EGFLAM: variants seen among roughly 807,000 people sequenced by gnomAD.
EGFLAM encodes pikachurin.
In EGFLAM, 79 loss-of-function variants were observed where a neutral mutation model predicts 113.1. That is an observed-to-expected ratio of 0.70 (90% CI 0.58 to 0.84). The LOEUF (loss-of-function observed/expected upper bound fraction) is 0.84, where lower values mean the gene tolerates loss of function less well. EGFLAM is among the 40% of genes least tolerant of loss of function. EGFLAM has a pLI of 0.00. For synonymous variants in EGFLAM, 504 were observed against 487.6 expected (o/e 1.03, Z -0.44); for missense variants, 1,265 against 1,291.6 (o/e 0.98, Z 0.32).
At chr5:38,342,964 C>A (rs1239610217) in intron 3 of EGFLAM, among the ~76,000 whole-genome samples, 1 of 152,186 alleles carries the variant, frequency 6.6e-6, no homozygotes, top group Admixed American at 6.5e-5. Context: ...TGCACCACCA[C>A]CCTGCTTTAG....
intron 1 of EGFLAM, among the ~76,000 whole-genome samples, chr5:38,261,417 G>C (rs557495550): frequency 3.6e-4 from 55 of 152,314 alleles, no homozygotes; most frequent in African/African-American, 1.3e-3. Flanking sequence ...CAACCCAATA[G>C]CCCTGGGAGA....
chr5:38,274,097 A>C (rs1757828906), intron 1 of EGFLAM, among the ~76,000 whole-genome samples: 1 of 152,256 alleles, frequency 6.6e-6, no homozygotes, highest in Non-Finnish European at 1.5e-5. Flanking sequence ...AGCAAAGTTT[A>C]TTAAACAGAA....
chr5:38,335,251 C>T (rs1322848301), intron 1 of EGFLAM, among the ~76,000 whole-genome samples: 1 of 152,228 alleles, frequency 6.6e-6, no homozygotes, highest in Non-Finnish European at 1.5e-5. Context: ...CCTAGAAACA[C>T]TGGCACATGT....
intron 11 of EGFLAM, among the ~76,000 whole-genome samples, chr5:38,412,905 A>T (rs1741529689): frequency 2.0e-5 from 3 of 152,138 alleles, no homozygotes; most frequent in Non-Finnish European, 4.4e-5. Flanking sequence ...TGCAAGCATC[A>T]TTGCTGTTGG....
chr5:38,428,903 A>C (rs1287148809), intron 14 of EGFLAM, among the ~76,000 whole-genome samples: 1 of 152,248 alleles, frequency 6.6e-6, no homozygotes, highest in Non-Finnish European at 1.5e-5. Context: ...ATGAGGCAAG[A>C]GTTTCTGAGG....
At chr5:38,263,408 G>C (rs1407717380) in intron 1 of EGFLAM, among the ~76,000 whole-genome samples, 1 of 152,184 alleles carries the variant, frequency 6.6e-6, no homozygotes, top group African/African-American at 2.4e-5. Context: ...GTTACCATGA[G>C]CCAAGATCGC....
chr5:38,299,717 C>T (rs1758528937), intron 1 of EGFLAM, among the ~76,000 whole-genome samples: 1 of 152,138 alleles, frequency 6.6e-6, no homozygotes, highest in African/African-American at 2.4e-5. Context: ...CTTAAAAGAG[C>T]ATGACGTCTC....
At chr5:38,418,309 G>T (rs1741720372) in intron 12 of EGFLAM, 54 bp downstream of exon 12, 3 of 1,588,168 alleles carry the variant, frequency 1.9e-6, no homozygotes, top group Non-Finnish European at 2.6e-6. Flanking sequence ...TGTCTTATGG[G>T]ACTGCCTTTC....
intron 1 of EGFLAM, among the ~76,000 whole-genome samples, chr5:38,311,560 G>A (rs1171408744): frequency 1.3e-5 from 2 of 152,130 alleles, no homozygotes; most frequent in African/African-American, 4.8e-5. Flanking sequence ...ATCCCATTGT[G>A]TGTGTACATT....
intron 1 of EGFLAM, among the ~76,000 whole-genome samples, chr5:38,326,649 C>T (rs545012650): frequency 6.6e-5 from 10 of 151,878 alleles, no homozygotes; most frequent in South Asian, 4.2e-4. Flanking sequence ...CCTGCCACCA[C>T]GCCTGGCGTT....
rs559363321 is a variant in EGFLAM, at chr5:38,394,771, C to A, written c.713-11355C>A. Among the ~76,000 whole-genome samples, 7 of 145,164 alleles carry A rather than the reference C, an allele frequency of 4.8e-5. No homozygotes were observed. In the East Asian group the frequency reaches 1.2e-3, roughly 25 times the overall value. On this transcript the variant is annotated intron_variant, in intron 6 of 21. Coordinates refer to ENST00000322350, the MANE Select transcript of EGFLAM (RefSeq NM_152403.4). Reference sequence around the variant, plus strand: ...TTTAGATTTATTTACAGATTTACCACTTTCTGTGCCCACAACTCTTCGCAT... The same window carrying A: ...TTTAGATTTATTTACAGATTTACCAATTTCTGTGCCCACAACTCTTCGCAT...
intron 1 of EGFLAM, 43 bp downstream of exon 1, chr5:38,258,894 C>G: frequency 6.3e-7 from 1 of 1,578,820 alleles, no homozygotes; most frequent in South Asian, 1.1e-5. Flanking sequence ...CCCGAGCGCC[C>G]CTGCTGGGCT....
intron 12 of EGFLAM, among the ~76,000 whole-genome samples, chr5:38,423,592 C>T (rs1741906245): frequency 6.6e-6 from 1 of 152,192 alleles, no homozygotes. Flanking sequence ...TGGCGGGGCT[C>T]AGGGACCTTT....
chr5:38,409,801 T>C (rs1393177607), intron 10 of EGFLAM, among the ~76,000 whole-genome samples: 3 of 152,212 alleles, frequency 2.0e-5, no homozygotes. Flanking sequence ...TTGCCTCCAC[T>C]GCCCTCATCG....
intron 6 of EGFLAM, among the ~76,000 whole-genome samples, chr5:38,373,302 C>T (rs1740272536): frequency 6.6e-6 from 1 of 152,146 alleles, no homozygotes; most frequent in Non-Finnish European, 1.5e-5. Flanking sequence ...GTTTGGCTGA[C>T]TGTGAAGCTG....
intron 1 of EGFLAM, among the ~76,000 whole-genome samples, chr5:38,272,354 A>G (rs1030753659): frequency 7.9e-5 from 12 of 152,320 alleles, no homozygotes; most frequent in South Asian, 4.2e-4. Flanking sequence ...CCAGTGTCCA[A>G]CAATCCTCCT....
At chr5:38,386,783 G>C (rs1193046813) in intron 6 of EGFLAM, among the ~76,000 whole-genome samples, 4 of 152,260 alleles carry the variant, frequency 2.6e-5, no homozygotes, top group Non-Finnish European at 5.9e-5. Flanking sequence ...GGGATTACAG[G>C]AGTGAGCCAC....
intron 1 of EGFLAM, among the ~76,000 whole-genome samples, chr5:38,287,271 T>C (rs1430352198): frequency 6.6e-6 from 1 of 152,222 alleles, no homozygotes; most frequent in African/African-American, 2.4e-5. Context: ...ATTTACCTTT[T>C]GGGGTTTTAT....
At chr5:38,381,219 G>A (rs1256459502) in intron 6 of EGFLAM, among the ~76,000 whole-genome samples, 1 of 152,038 alleles carries the variant, frequency 6.6e-6, no homozygotes, top group Non-Finnish European at 1.5e-5. Context: ...TTCCTTTGGA[G>A]CATTTCTTGC....
Sources: gnomAD v4.1 joint callset for allele counts (sites outside exome capture counted in the v4.1 genomes callset) on GRCh38, gnomAD v4.1.1 for gene constraint, MANE v1.5 for transcripts, NCBI Gene and HGNC (gene_info 2026-07-23, HGNC 2026-07-21) for gene names.